Variants in ANO2 observed in about 807,000 individuals in gnomAD.
ANO2 encodes anoctamin 2, also known as anoctamin-2.
ANO2 carries 101 observed loss-of-function variants against 124.2 expected under a neutral mutation model. That is an observed-to-expected ratio of 0.81 (90% CI 0.69 to 0.96). The LOEUF (loss-of-function observed/expected upper bound fraction) is 0.96, where lower values mean the gene tolerates loss of function less well. Among genes scored for constraint, ANO2 ranks in the 40% least tolerant of loss-of-function variants. The probability of loss-of-function intolerance (pLI) is 0.00; values close to 1 mark genes in which losing one functional copy is unlikely to be tolerated. For synonymous variants in ANO2, 486 were observed against 482.5 expected (o/e 1.01, Z -0.09); for missense variants, 1,293 against 1,274.5 (o/e 1.01, Z -0.22).
In ANO2 at chr12:5,887,570, G is replaced by A. The variant is rs182770394; in HGVS notation, c.535-33429C>T. 6.6e-5 allele frequency among the ~76,000 whole-genome samples: 10 copies of A among 152,258 alleles called. No homozygotes were observed. The East Asian group carries it at 1.2e-3, about 18-fold the overall frequency. ...TAGCCTTATCACTGGGTCACAACTT[G>A]TTTTCTCACTTCCATCATTTTCTCA... is the stretch of plus-strand genomic sequence containing the variant. On this transcript the variant is annotated intron_variant, in intron 3 of 24. Coordinates refer to ENST00000682330, the MANE Select transcript of ANO2 (RefSeq NM_001364791.2).
intron 7 of ANO2, among the ~76,000 whole-genome samples, chr12:5,810,908 G>T (rs1365015424): frequency 6.6e-6 from 1 of 152,214 alleles, no homozygotes; most frequent in Non-Finnish European, 1.5e-5. Context: ...CATGACCAGG[G>T]AAGGCTTAGG....
At chr12:5,569,088 T>C (rs1941950941) in intron 23 of ANO2, among the ~76,000 whole-genome samples, 1 of 152,248 alleles carries the variant, frequency 6.6e-6, no homozygotes, top group South Asian at 2.1e-4. Flanking sequence ...TCCAGAAGGA[T>C]TTTTGAACAT....
rs1217904736 is a variant in ANO2, at chr12:5,836,018, G to T, written c.634-3415C>A. On this transcript the variant is annotated intron_variant, in intron 4 of 24. Transcript: ENST00000682330. Reference sequence around the variant, plus strand: ...GTGTGCGGTAATTAGTTTCAGAGTGGGAGGGAAGCTGATGGACTCTGTCCT... The same window carrying T: ...GTGTGCGGTAATTAGTTTCAGAGTGTGAGGGAAGCTGATGGACTCTGTCCT... Among the ~76,000 whole-genome samples, 3 of 152,188 alleles carry T rather than the reference G, an allele frequency of 2.0e-5. No homozygotes were observed. The East Asian group carries it at 5.8e-4, about 29-fold the overall frequency.
At chr12:5,748,462 G>C (rs754576943) in intron 11 of ANO2, among the ~76,000 whole-genome samples, 1 of 152,138 alleles carries the variant, frequency 6.6e-6, no homozygotes, top group Non-Finnish European at 1.5e-5. Context: ...AAACTTCTCT[G>C]CTTATTAGAA....
intron 7 of ANO2, among the ~76,000 whole-genome samples, chr12:5,813,948 C>A (rs894416525): frequency 6.6e-6 from 1 of 152,190 alleles, no homozygotes; most frequent in Non-Finnish European, 1.5e-5. Flanking sequence ...CATCCCAGAG[C>A]TGGAACTGGC....
intron 1 of ANO2, among the ~76,000 whole-genome samples, chr12:5,928,850 T>C (rs368127547): frequency 7.6e-4 from 17 of 22,400 alleles, no homozygotes; most frequent in African/African-American, 2.6e-3. Context: ...CTTCTTTCCT[T>C]ATTAGTCACT....
At chr12:5,666,864 T>A (rs117646150) in intron 14 of ANO2, among the ~76,000 whole-genome samples, 3,670 of 146,466 alleles carry the variant, frequency 0.025, 58 homozygotes, top group Middle Eastern at 0.058. Flanking sequence ...CGTTGGACAA[T>A]CTTCTAACGA....
intron 16 of ANO2, among the ~76,000 whole-genome samples, chr12:5,622,542 C>G (rs1363270743): frequency 3.3e-5 from 5 of 152,146 alleles, no homozygotes; most frequent in African/African-American, 1.2e-4. Flanking sequence ...GGAAGCACCT[C>G]CCAGTGAGGG....
intron 3 of ANO2, among the ~76,000 whole-genome samples, chr12:5,873,210 T>G (rs1296114145): frequency 1.7e-5 from 1 of 59,162 alleles, no homozygotes; most frequent in Non-Finnish European, 5.0e-5. Context: ...TCTCTCTCTC[T>G]CTCTCTCTCT....
At position 5,671,646 on chromosome 12, in the gene ANO2, T is replaced by C. The variant is rs115586976; in HGVS notation, c.1546-23845A>G. Among the ~76,000 whole-genome samples, 1,021 of 152,272 alleles carry C rather than the reference T, an allele frequency of 6.7e-3. 12 individuals carry two copies. The highest frequency in any genetic ancestry group is 0.023 in the African/African-American group (954 of 41,526). ...CTGCAGCTCTGGGGCTGGCTGCAGC[T>C]TGCATTTGTTTGGAAGTTCAATCCT... On this transcript the variant is annotated intron_variant, in intron 14 of 24. Coordinates refer to ENST00000682330, the MANE Select transcript of ANO2 (RefSeq NM_001364791.2).
intron 19 of ANO2, among the ~76,000 whole-genome samples, chr12:5,606,765 CA>C (rs572377514): frequency 3.9e-5 from 6 of 152,258 alleles, no homozygotes; most frequent in African/African-American, 1.4e-4. Flanking sequence ...AATACACATA[CA>C]TGCACACACA....
chr12:5,739,172 G>A lies in ANO2; in HGVS notation c.1434+145C>T, dbSNP rs778712131. On this transcript the variant is annotated intron_variant, in intron 13 of 24. Transcript: ENST00000682330. ...AGGTCAACCATGGCCCAAGTCCATG[G>A]AGCCAAGCTACACAGGCAGCCACTG... is the stretch of plus-strand genomic sequence containing the variant. The A allele has an allele frequency of 4.0e-5, 32 of 803,758 alleles. No homozygotes were observed. The South Asian group carries it at 4.7e-4, about 12-fold the overall frequency. The allele number at this position is 803,758 out of a possible 1,614,324, so 49.8% of individuals were successfully genotyped here. A position where few individuals can be genotyped will look rare whatever the true frequency, so the allele number is the denominator to read the frequency against.
At chr12:5,815,309 A>G (rs80122704) in intron 7 of ANO2, among the ~76,000 whole-genome samples, 6,561 of 152,208 alleles carry the variant, frequency 0.043, 312 homozygotes, top group African/African-American at 0.12. Context: ...TCGGGGAGGG[A>G]GGTTACCAGA....
chr12:5,932,786 A>T (rs1460254279), intron 1 of ANO2, among the ~76,000 whole-genome samples: 3 of 152,082 alleles, frequency 2.0e-5, no homozygotes, highest in Non-Finnish European at 4.4e-5. Flanking sequence ...CCAGAATGGG[A>T]GGAGAGTCAA....
chr12:5,911,841 G>A (rs1941068943), intron 3 of ANO2, among the ~76,000 whole-genome samples: 1 of 152,196 alleles, frequency 6.6e-6, no homozygotes, highest in Admixed American at 6.5e-5. Context: ...AGATGAAATT[G>A]AAAGAAATTA....
chr12:5,640,844 T>G (rs1283975284), intron 15 of ANO2, among the ~76,000 whole-genome samples: 1 of 152,190 alleles, frequency 6.6e-6, no homozygotes, highest in Admixed American at 6.5e-5. Context: ...GAACTAGAAA[T>G]ACCATTTGAC....
chr12:5,577,810 G>T, intron 22 of ANO2, 145 bp downstream of exon 22: 1 of 718,600 alleles, frequency 1.4e-6, no homozygotes. Context: ...AGGCATTTGT[G>T]AGCTGTTAAC....
intron 20 of ANO2, among the ~76,000 whole-genome samples, chr12:5,588,857 T>G (rs542943124): frequency 2.8e-4 from 42 of 152,204 alleles, no homozygotes; most frequent in South Asian, 1.0e-3. Flanking sequence ...TCCCTACAAT[T>G]TCCAGGAAAA....
intron 1 of ANO2, among the ~76,000 whole-genome samples, chr12:5,944,114 A>G (rs1005023743): frequency 5.9e-5 from 9 of 152,224 alleles, no homozygotes; most frequent in Non-Finnish European, 1.2e-4. Context: ...GCACGTTAAG[A>G]CACACTGAGA....
Sources: gnomAD v4.1 joint callset for allele counts (sites outside exome capture counted in the v4.1 genomes callset) on GRCh38, gnomAD v4.1.1 for gene constraint, MANE v1.5 for transcripts, NCBI Gene and HGNC (gene_info 2026-07-23, HGNC 2026-07-21) for gene names.